Variants in MARCHF3 observed in about 807,000 individuals in gnomAD.
MARCHF3 encodes the protein membrane associated ring-CH-type finger 3.
MARCHF3 carries 13 observed loss-of-function variants against 24.2 expected under a neutral mutation model. The ratio of observed to expected loss-of-function variants is 0.54; its 90% CI spans 0.35 to 0.85. MARCHF3 has a LOEUF of 0.85. Among genes scored for constraint, MARCHF3 ranks in the 40% least tolerant of loss-of-function variants. MARCHF3 has a pLI of 0.01. For missense variants in MARCHF3, 276 were observed against 325.0 expected (o/e 0.85, Z 1.16); for synonymous variants, 144 against 137.3 (o/e 1.05, Z -0.34).
chr5:126,961,205 A>G (rs1055853584), intron 1 of MARCHF3, among the ~76,000 whole-genome samples: 1 of 152,138 alleles, frequency 6.6e-6, no homozygotes, highest in African/African-American at 2.4e-5. Flanking sequence ...AGCAAGCACA[A>G]ACACAGGTCC....
intron 3 of MARCHF3, among the ~76,000 whole-genome samples, chr5:126,900,948 C>T (rs1754083733): frequency 6.6e-6 from 1 of 151,946 alleles, no homozygotes; most frequent in South Asian, 2.1e-4. Context: ...TCACGTGATC[C>T]ACCCGCCTCA....
chr5:126,981,112 A>T (rs887508285), intron 1 of MARCHF3, among the ~76,000 whole-genome samples: 3 of 152,192 alleles, frequency 2.0e-5, no homozygotes, highest in Admixed American at 6.5e-5. Flanking sequence ...TTGCAGAAAA[A>T]TCTACAGCCT....
intron 2 of MARCHF3, among the ~76,000 whole-genome samples, chr5:126,916,262 G>A (rs1754726504): frequency 6.6e-6 from 1 of 152,182 alleles, no homozygotes. Context: ...CTGGGCAACA[G>A]ATTTTAAAAT....
intron 1 of MARCHF3, among the ~76,000 whole-genome samples, chr5:127,014,833 A>C (rs889769461): frequency 1.3e-5 from 2 of 152,172 alleles, no homozygotes; most frequent in African/African-American, 4.8e-5. Context: ...GATAGGCAGA[A>C]ATTGGTTAAA....
At chr5:126,909,380 TA>T (rs1754426262) in intron 3 of MARCHF3, among the ~76,000 whole-genome samples, 1 of 152,248 alleles carries the variant, frequency 6.6e-6, no homozygotes, top group Admixed American at 6.5e-5. Context: ...TTTGTTTACC[TA>T]ATCAAGCCTG....
chr5:126,909,613 C>G (rs1754441943), intron 3 of MARCHF3, among the ~76,000 whole-genome samples: 1 of 152,202 alleles, frequency 6.6e-6, no homozygotes, highest in Non-Finnish European at 1.5e-5. Flanking sequence ...CTTTCTTTGA[C>G]TAGGAAAGGG....
intron 1 of MARCHF3, among the ~76,000 whole-genome samples, chr5:126,931,770 G>GAA (rs1189700027): frequency 6.6e-6 from 1 of 152,088 alleles, no homozygotes; most frequent in Non-Finnish European, 1.5e-5. Context: ...TATTGGGTGG[G>GAA]AATAGTCAAC....
At chr5:126,969,174 T>C (rs1750913741) in intron 1 of MARCHF3, among the ~76,000 whole-genome samples, 1 of 152,212 alleles carries the variant, frequency 6.6e-6, no homozygotes, top group Admixed American at 6.5e-5. Context: ...CTTATGTACT[T>C]CTAAGGTACA....
At chr5:126,874,924 CA>C (rs1299852987) in intron 4 of MARCHF3, among the ~76,000 whole-genome samples, 2 of 152,146 alleles carry the variant, frequency 1.3e-5, no homozygotes, top group Non-Finnish European at 2.9e-5. Context: ...TTTAAACAAT[CA>C]AACCTTGGGA....
intron 1 of MARCHF3, among the ~76,000 whole-genome samples, chr5:127,022,882 A>C (rs1752853987): frequency 6.6e-6 from 1 of 152,244 alleles, no homozygotes; most frequent in Admixed American, 6.5e-5. Flanking sequence ...AGTGAGGCTC[A>C]ATCTCCCAGA....
chr5:126,881,683 A>G (rs1379452797), intron 3 of MARCHF3, among the ~76,000 whole-genome samples: 40 of 152,160 alleles, frequency 2.6e-4, no homozygotes, highest in Non-Finnish European at 7.4e-5. Flanking sequence ...TATATGTAAG[A>G]CATATTTACA....
chr5:126,922,511 C>CTTTT (rs869136513), intron 1 of MARCHF3, among the ~76,000 whole-genome samples: 2 of 112,338 alleles, frequency 1.8e-5, no homozygotes, highest in East Asian at 3.1e-4. Flanking sequence ...TCATTTCTGT[C>CTTTT]TTTTATTTAT....
rs1003565594 is a variant in MARCHF3, at chr5:126,915,143, G to A, written c.189-9C>T. The A allele has an allele frequency of 1.2e-6, 2 of 1,612,192 alleles. No individual in the cohort carries two copies. The highest frequency in any genetic ancestry group is 2.7e-5 in the African/African-American group (2 of 74,896). Reference sequence around the variant, plus strand: ...GCCGGTCATTGAAGGGGCTGCAAGAGAAGGAGGGGCACCTGCTGGTCACTG... The same window carrying A: ...GCCGGTCATTGAAGGGGCTGCAAGAAAAGGAGGGGCACCTGCTGGTCACTG... On this transcript the variant is annotated splice_polypyrimidine_tract_variant and intron_variant, in intron 2 of 4. Transcript: ENST00000308660.
At chr5:126,894,522 T>G (rs971481159) in intron 3 of MARCHF3, among the ~76,000 whole-genome samples, 5 of 151,912 alleles carry the variant, frequency 3.3e-5, no homozygotes, top group Non-Finnish European at 7.4e-5. Flanking sequence ...GTCTGTAAAG[T>G]ATTTTATTTC....
At chr5:126,996,829 T>C (rs1030548767) in intron 1 of MARCHF3, among the ~76,000 whole-genome samples, 1 of 152,050 alleles carries the variant, frequency 6.6e-6, no homozygotes, top group African/African-American at 2.4e-5. Context: ...CGTGAAGAGA[T>C]AGAAAGATCT....
At chr5:126,933,260 C>A (rs557694686) in intron 1 of MARCHF3, among the ~76,000 whole-genome samples, 1 of 152,058 alleles carries the variant, frequency 6.6e-6, no homozygotes, top group Admixed American at 6.6e-5. Flanking sequence ...TGTTCAGTAG[C>A]GGAGAAAATA....
intron 1 of MARCHF3, among the ~76,000 whole-genome samples, chr5:126,956,671 AC>A (rs568848884): frequency 1.7e-4 from 25 of 143,292 alleles, no homozygotes; most frequent in African/African-American, 6.3e-4. Context: ...AAAAAAAAAA[AC>A]CAAAAAAACA....
At chr5:127,024,505 G>A (rs1017442775) in intron 1 of MARCHF3, among the ~76,000 whole-genome samples, 1 of 152,160 alleles carries the variant, frequency 6.6e-6, no homozygotes, top group Non-Finnish European at 1.5e-5. Flanking sequence ...ACAGGGAAAA[G>A]CTTCCCAAAG....
chr5:126,975,023 C>G (rs777247319), intron 1 of MARCHF3, among the ~76,000 whole-genome samples: 1 of 152,180 alleles, frequency 6.6e-6, no homozygotes, highest in Non-Finnish European at 1.5e-5. Flanking sequence ...GTGGTGCAAT[C>G]TCAGCTCACT....
Sources: allele counts gnomAD v4.1 joint callset (sites outside exome capture counted in the v4.1 genomes callset), GRCh38; gene constraint gnomAD v4.1.1; transcripts MANE v1.5; gene names NCBI Gene and HGNC (gene_info 2026-07-23, HGNC 2026-07-21).